Variants in SLC2A9 observed in about 807,000 individuals in gnomAD.
The protein encoded by SLC2A9 is solute carrier family 2, facilitated glucose transporter member 9.
SLC2A9 carries 39 observed loss-of-function variants against 50.6 expected under a neutral mutation model. The ratio of observed to expected loss-of-function variants is 0.77; its 90% confidence interval spans 0.60 to 1.01. The LOEUF (loss-of-function observed/expected upper bound fraction) is 1.01, where lower values mean the gene tolerates loss of function less well. Among genes scored for constraint, SLC2A9 ranks in the 50% least tolerant of loss-of-function variants. The pLI, the probability that SLC2A9 is intolerant of heterozygous loss-of-function variation, is 0.00. For missense variants in SLC2A9, 686 were observed against 677.6 expected, an observed-to-expected ratio of 1.01 and a Z score of -0.14; for synonymous variants, 324 against 276.9, an observed-to-expected ratio of 1.17 and a Z score of -1.69.
intron 6 of SLC2A9, among the ~76,000 whole-genome samples, chr4:9,922,211 C>A (rs34450770): frequency 6.6e-6 from 1 of 151,944 alleles, no homozygotes; most frequent in Admixed American, 6.6e-5. Flanking sequence ...AGCAAACTAA[C>A]GCCGGAACAG....
At chr4:9,867,216 C>T (rs1732634947) in intron 10 of SLC2A9, among the ~76,000 whole-genome samples, 1 of 152,206 alleles carries the variant, frequency 6.6e-6, no homozygotes, top group Non-Finnish European at 1.5e-5. Context: ...AGAGTTAATG[C>T]CAATTCCCTC....
chr4:10,006,869 G>A (rs937380490), intron 2 of SLC2A9, among the ~76,000 whole-genome samples: 1 of 151,956 alleles, frequency 6.6e-6, no homozygotes, highest in African/African-American at 2.4e-5. Flanking sequence ...TTGCCAAGCA[G>A]AGAGTGCCTA....
intron 3 of SLC2A9, among the ~76,000 whole-genome samples, chr4:9,804,781 C>T (rs188698472): frequency 4.7e-4 from 71 of 152,270 alleles, no homozygotes; most frequent in East Asian, 2.7e-3. Context: ...TAGTTTGATG[C>T]GGTTTCTAAT....
At chr4:9,899,149 C>T (rs1408091255) in intron 8 of SLC2A9, among the ~76,000 whole-genome samples, 1 of 152,234 alleles carries the variant, frequency 6.6e-6, no homozygotes, top group Non-Finnish European at 1.5e-5. Flanking sequence ...CAGATGAGGG[C>T]CACCCCGCAG....
chr4:9,840,355 A>G (rs34088729), intron 10 of SLC2A9, among the ~76,000 whole-genome samples: 2 of 152,184 alleles, frequency 1.3e-5, no homozygotes, highest in African/African-American at 2.4e-5. Context: ...CTTTCTTCCA[A>G]TCCAAGGTAA....
intron 3 of SLC2A9, among the ~76,000 whole-genome samples, chr4:9,987,308 C>T (rs912207840): frequency 2.0e-5 from 3 of 151,950 alleles, no homozygotes; most frequent in Non-Finnish European, 4.4e-5. Flanking sequence ...TTAGTAGAGA[C>T]GGGGTTTCAC....
At chr4:9,782,592 G>C (rs769898539) in intron 3 of SLC2A9, 5 of 1,613,930 alleles carry the variant, frequency 3.1e-6, no homozygotes, top group South Asian at 1.1e-5. Flanking sequence ...GCGGCCTCTT[G>C]GGGCGGGCTG....
intron 6 of SLC2A9, among the ~76,000 whole-genome samples, chr4:9,938,087 A>T (rs537045762): frequency 6.6e-6 from 1 of 152,326 alleles, no homozygotes; most frequent in East Asian, 1.9e-4. Flanking sequence ...TTGTTAAATA[A>T]GTGAATTAAA....
intron 2 of SLC2A9, among the ~76,000 whole-genome samples, chr4:10,013,711 G>C (rs1203407320): frequency 6.6e-6 from 1 of 152,182 alleles, no homozygotes; most frequent in Admixed American, 6.5e-5. Context: ...GTTGAGGCTG[G>C]GTGGCAGCAG....
In SLC2A9 at chr4:9,909,971, T is replaced by C. The variant is rs776509648; in HGVS notation, c.1003-1626A>G. ...AGCTCTTGTTTCTATAGATCTGTTT[T>C]ATTGCCAGATGTTTTTAGCAAAAAT... On this transcript the variant is annotated intron_variant, in intron 7 of 11. Coordinates refer to ENST00000264784, the MANE Select transcript of SLC2A9 (RefSeq NM_020041.3). Among the ~76,000 whole-genome samples, 158 of 152,258 alleles carry C rather than the reference T, an allele frequency of 1.0e-3. 3 individuals carry two copies. Among genetic ancestry groups the C allele is most frequent in the Admixed American group, 5.2e-4 (8 of 15,292 alleles).
chr4:9,891,854 T>C (rs915587947), intron 8 of SLC2A9, among the ~76,000 whole-genome samples: 2 of 152,200 alleles, frequency 1.3e-5, no homozygotes, highest in African/African-American at 4.8e-5. Flanking sequence ...ACGACAGTCA[T>C]TTGGCTTGGA....
rs1726786457 is a variant in SLC2A9, at chr4:9,834,959, C to T, written c.1341G>A (p.Arg447=). The change falls in exon 11 of 12, where the codon CGG becomes CGA. Residue 447 remains arginine, a synonymous_variant. Transcript: ENST00000264784. ...TGCCTGCAATGATGAAGGCAGCCGG[C>T]CGCTGAGATTGCTGGAAGAACTCAC... is the stretch of plus-strand genomic sequence containing the variant. ...LTGEFFQQSQ[R]PAAFIIAGTV... 1 of 1,614,012 alleles carries T rather than the reference C, an allele frequency of 6.2e-7. No homozygotes were observed. Among genetic ancestry groups the T allele is most frequent in the South Asian group, 1.1e-5 (1 of 91,064 alleles).
Position 9,887,549 on chromosome 4 carries a change from G to A in SLC2A9, c.1291+18C>T, listed in dbSNP as rs1210198642. On this transcript the variant is annotated intron_variant, in intron 10 of 11. Transcript: ENST00000264784. ...ATGAGTCCCTGGGCGGGGCAGTGGG[G>A]AGGGTGGGGTGCCTTACCTGGCCCA... The A allele has an allele frequency of 6.4e-7, 1 of 1,550,442 alleles. No individual in the cohort carries two copies. The highest frequency in any genetic ancestry group is 1.4e-5 in the African/African-American group (1 of 73,122).
chr4:9,879,157 T>C (rs1178591463), intron 10 of SLC2A9: 2 of 506,154 alleles, frequency 4.0e-6, no homozygotes, highest in Non-Finnish European at 4.6e-6. Context: ...GCCATTGTAA[T>C]GGGGTGGGGG....
At position 10,004,768 on chromosome 4, in the gene SLC2A9, G is replaced by A. The variant is rs545058664; in HGVS notation, c.250-7827C>T. Among the ~76,000 whole-genome samples the A allele has an allele frequency of 4.6e-5, 7 of 152,328 alleles. No individual in the cohort carries two copies. The East Asian group carries it at 7.7e-4, about 17-fold the overall frequency. On this transcript the variant is annotated intron_variant, in intron 2 of 11. Coordinates refer to ENST00000264784, the MANE Select transcript of SLC2A9 (RefSeq NM_020041.3). Reference sequence around the variant, plus strand: ...CACTGTGACCTGAGGCTTCAAGAAGGAGGAGAGATTTAGGCCAAGTCATGA... The same window carrying A: ...CACTGTGACCTGAGGCTTCAAGAAGAAGGAGAGATTTAGGCCAAGTCATGA...
At chr4:9,813,955 A>G (rs1016376750) in intron 3 of SLC2A9, among the ~76,000 whole-genome samples, 5 of 152,074 alleles carry the variant, frequency 3.3e-5, no homozygotes, top group Non-Finnish European at 5.9e-5. Context: ...AAAAGTAAAA[A>G]TAAAAATAAA....
chr4:9,867,719 A>G (rs1392437397), intron 10 of SLC2A9, among the ~76,000 whole-genome samples: 1 of 152,218 alleles, frequency 6.6e-6, no homozygotes, highest in Non-Finnish European at 1.5e-5. Context: ...GACACCGTGG[A>G]TGGAGGTCTG....
intron 8 of SLC2A9, among the ~76,000 whole-genome samples, chr4:9,906,739 C>T (rs1483086135): frequency 6.6e-6 from 1 of 152,198 alleles, no homozygotes; most frequent in Non-Finnish European, 1.5e-5. Context: ...AAACATCTCC[C>T]GTACTTCCCC....
At chr4:9,817,275 G>A (rs1723736225) in intron 3 of SLC2A9, among the ~76,000 whole-genome samples, 1 of 152,200 alleles carries the variant, frequency 6.6e-6, no homozygotes, top group Non-Finnish European at 1.5e-5. Flanking sequence ...AGGTTCTTAG[G>A]ATTACGCCCT....
Sources: gnomAD v4.1 joint callset for allele counts (sites outside exome capture counted in the v4.1 genomes callset) on GRCh38, gnomAD v4.1.1 for gene constraint, MANE v1.5 for transcripts, NCBI Gene and HGNC (gene_info 2026-07-23, HGNC 2026-07-21) for gene names.